Variants in SLCO3A1 observed in about 807,000 individuals in gnomAD.
SLCO3A1 encodes the protein solute carrier organic anion transporter family member 3A1.
In SLCO3A1, 27 loss-of-function variants were observed where a neutral mutation model predicts 63.1. The observed-to-expected ratio is 0.43, with a 90% CI of 0.32 to 0.59. The LOEUF (loss-of-function observed/expected upper bound fraction) is 0.59. Among genes scored for constraint, SLCO3A1 ranks in the 20% least tolerant of loss-of-function variants. The probability of loss-of-function intolerance (pLI) is 0.09; values close to 1 mark genes in which losing one functional copy is unlikely to be tolerated. For missense variants in SLCO3A1, 773 were observed against 945.8 expected, an observed-to-expected ratio of 0.82 and a Z score of 2.40; for synonymous variants, 473 against 409.9, an observed-to-expected ratio of 1.15 and a Z score of -1.86.
Position 91,962,607 on chromosome 15 carries a change from AAGG to A in SLCO3A1, c.646+46155_646+46157del, listed in dbSNP as rs1034000423. On this transcript the variant is annotated intron_variant, in intron 2 of 9. Coordinates refer to ENST00000318445, the MANE Select transcript of SLCO3A1 (RefSeq NM_013272.4). ...GCTGAGGAGGGAAGTGGAGCCGGGGAAGGAGGAGAGAATGAGAGGTGGAAATGG... is the reference window on the plus strand; with the variant it reads ...GCTGAGGAGGGAAGTGGAGCCGGGGAAGGAGAGAATGAGAGGTGGAAATGG... 2.6e-5 allele frequency among the ~76,000 whole-genome samples: 4 copies of A among 151,882 alleles called. No individual in the cohort carries two copies. The East Asian group carries it at 5.8e-4, about 22-fold the overall frequency.
chr15:91,855,030 T>A (rs531910349), intron 1 of SLCO3A1, among the ~76,000 whole-genome samples: 11 of 152,128 alleles, frequency 7.2e-5, no homozygotes, highest in African/African-American at 2.2e-4. Context: ...AAACGGGAAA[T>A]TTTTTTTGAG....
chr15:91,985,814 G>T (rs935343497), intron 2 of SLCO3A1, among the ~76,000 whole-genome samples: 13 of 152,178 alleles, frequency 8.5e-5, no homozygotes, highest in African/African-American at 3.1e-4. Flanking sequence ...GGCCTGAAGG[G>T]GTGGCCAAGA....
intron 10 of SLCO3A1, chr15:92,171,530 T>C (rs1436125537): frequency 2.2e-6 from 1 of 454,076 alleles, no homozygotes; most frequent in Non-Finnish European, 4.0e-6. Context: ...TGCTTGGCTG[T>C]GGGGTTGGTC....
chr15:92,104,168 A>G (rs191131401), intron 3 of SLCO3A1, 111 bp from the exon 4 acceptor site: 3 of 1,272,792 alleles, frequency 2.4e-6, no homozygotes, highest in East Asian at 4.7e-5. Context: ...CCCGACCGCA[A>G]GTCATTTCTA....
In SLCO3A1 at chr15:91,972,392, C is replaced by A. The variant is rs531048653; in HGVS notation, c.646+55934C>A. Among the ~76,000 whole-genome samples the A allele has an allele frequency of 5.9e-5, 9 of 152,084 alleles. No individual in the cohort carries two copies. In the East Asian group the frequency reaches 9.7e-4, roughly 16 times the overall value. ...GGAGCCCCCATGATGGGGTTAGTACCCTTATAAAAGAGGCCCCAGAGAGGT... is the reference window on the plus strand; with the variant it reads ...GGAGCCCCCATGATGGGGTTAGTACACTTATAAAAGAGGCCCCAGAGAGGT... On this transcript the variant is annotated intron_variant, in intron 2 of 9. Coordinates refer to ENST00000318445, the MANE Select transcript of SLCO3A1 (RefSeq NM_013272.4).
chr15:91,872,863 C>A lies in SLCO3A1; in HGVS notation c.180+18775C>A, dbSNP rs1393468442. Among the ~76,000 whole-genome samples the A allele has an allele frequency of 1.3e-5, 2 of 152,288 alleles. No individual in the cohort carries two copies. The highest frequency in any genetic ancestry group is 2.9e-5 in the Non-Finnish European group (2 of 68,020). ...ATCTGTTCTCTGTTCCCTTCCTCCC[C>A]TTTAGGGCATGGTGGCGTCTGTAAG... On this transcript the variant is annotated intron_variant, in intron 1 of 9. Coordinates refer to ENST00000318445, the MANE Select transcript of SLCO3A1 (RefSeq NM_013272.4). This position sits in a 1 kb window ranked among gnomAD's most constrained non-coding sequence, Gnocchi z 4.1.
Position 91,941,011 on chromosome 15 carries a change from T to C in SLCO3A1, c.646+24553T>C, listed in dbSNP as rs935047802. Among the ~76,000 whole-genome samples, 1 of 152,168 alleles carries C rather than the reference T, an allele frequency of 6.6e-6. No individual in the cohort carries two copies. The highest frequency in any genetic ancestry group is 1.5e-5 in the Non-Finnish European group (1 of 68,030). On this transcript the variant is annotated intron_variant, in intron 2 of 9. Transcript: ENST00000318445. The surrounding 1 kb of genome is among the most constrained non-coding windows in gnomAD (Gnocchi z 4.4). ...CTGCCGTTTTAGGAGGGTGATTTAT[T>C]GAAGTGAAGGTAGAGGGAGTGGGTG...
At position 91,946,822 on chromosome 15, in the gene SLCO3A1, T is replaced by G. The variant is rs1011632946; in HGVS notation, c.646+30364T>G. ...GAGCAAATGACTGGAGTTACCAAAA[T>G]TCCCCTCCGAGGAAGGGCAGGTCGG... On this transcript the variant is annotated intron_variant, in intron 2 of 9. Coordinates refer to ENST00000318445, the MANE Select transcript of SLCO3A1 (RefSeq NM_013272.4). 7.9e-5 allele frequency among the ~76,000 whole-genome samples: 12 copies of G among 152,320 alleles called. No homozygotes were observed. The South Asian group carries it at 2.5e-3, about 32-fold the overall frequency.
chr15:92,062,279 T>C, intron 2 of SLCO3A1, among the ~76,000 whole-genome samples: 1 of 152,158 alleles, frequency 6.6e-6, no homozygotes, highest in East Asian at 1.9e-4. Flanking sequence ...GGAGGTGACA[T>C]TTGCATTCTG....
chr15:92,106,132 T>C (rs2047664732), intron 4 of SLCO3A1, among the ~76,000 whole-genome samples: 1 of 152,238 alleles, frequency 6.6e-6, no homozygotes, highest in Admixed American at 6.5e-5. Flanking sequence ...TGTTAGTCCA[T>C]GAGAAATCTC....
chr15:92,114,582 C>T (rs2047769775), intron 4 of SLCO3A1, among the ~76,000 whole-genome samples: 1 of 152,154 alleles, frequency 6.6e-6, no homozygotes, highest in Non-Finnish European at 1.5e-5. Context: ...TGGATTCACA[C>T]CCATGCTTCC....
chr15:92,036,409 A>G (rs2046727489), intron 2 of SLCO3A1, among the ~76,000 whole-genome samples: 1 of 140,080 alleles, frequency 7.1e-6, no homozygotes, highest in African/African-American at 2.7e-5. Flanking sequence ...TTTTTCTCTC[A>G]CTGAAAATTC....
In SLCO3A1 at chr15:91,936,885, T is replaced by C. The variant is rs890364965; in HGVS notation, c.646+20427T>C. Reference sequence around the variant, plus strand: ...TGTCCTGTTTCTCTCGTAGGCACCATATGTCCCAATTTGGGTTCCACAAAT... The same window carrying C: ...TGTCCTGTTTCTCTCGTAGGCACCACATGTCCCAATTTGGGTTCCACAAAT... On this transcript the variant is annotated intron_variant, in intron 2 of 9. Coordinates refer to ENST00000318445, the MANE Select transcript of SLCO3A1 (RefSeq NM_013272.4). Among the ~76,000 whole-genome samples, 3 of 152,226 alleles carry C rather than the reference T, an allele frequency of 2.0e-5. No homozygotes were observed. In the East Asian group the frequency reaches 5.8e-4, roughly 29 times the overall value.
intron 2 of SLCO3A1, among the ~76,000 whole-genome samples, chr15:92,012,114 G>A (rs80200409): frequency 0.027 from 4,171 of 152,340 alleles, 121 homozygotes; most frequent in East Asian, 0.11. Context: ...AGCAATGCAA[G>A]CAACCCACTG....
chr15:91,952,490 G>C (rs1435171824), intron 2 of SLCO3A1, among the ~76,000 whole-genome samples: 4 of 152,218 alleles, frequency 2.6e-5, no homozygotes, highest in African/African-American at 9.6e-5. Flanking sequence ...GAATGTTTCT[G>C]TTTGCCACCT....
chr15:91,956,782 C>CTTTT (rs750285182), intron 2 of SLCO3A1, among the ~76,000 whole-genome samples: 2 of 122,426 alleles, frequency 1.6e-5, no homozygotes, highest in African/African-American at 3.0e-5. Context: ...GCCTTGCCTT[C>CTTTT]TTTTTTTTTT....
intron 2 of SLCO3A1, among the ~76,000 whole-genome samples, chr15:92,063,843 C>T (rs2047116232): frequency 6.6e-6 from 1 of 151,516 alleles, no homozygotes; most frequent in Non-Finnish European, 1.5e-5. Flanking sequence ...GAGCTAGATT[C>T]CATCTCAAAA....
At chr15:91,888,299 A>C (rs11857824) in intron 1 of SLCO3A1, among the ~76,000 whole-genome samples, 4,834 of 152,234 alleles carry the variant, frequency 0.032, 263 homozygotes, top group African/African-American at 0.11. Context: ...TGGCCCGTCG[A>C]ATCAGTATGG....
intron 2 of SLCO3A1, among the ~76,000 whole-genome samples, chr15:91,971,476 A>G (rs1421326388): frequency 1.3e-5 from 2 of 148,198 alleles, no homozygotes; most frequent in African/African-American, 5.0e-5. Flanking sequence ...TGTCTATTTG[A>G]TGTCATATTC....
Sources: allele counts gnomAD v4.1 joint callset (sites outside exome capture counted in the v4.1 genomes callset), GRCh38; gene constraint gnomAD v4.1.1; non-coding constraint Gnocchi (gnomAD v3.1); transcripts MANE v1.5; gene names NCBI Gene and HGNC (gene_info 2026-07-23, HGNC 2026-07-21).